The following KMO variants were observed in gnomAD, a reference collection of about 807,000 sequenced individuals.
KMO encodes kynurenine 3-monooxygenase.
A neutral mutation model predicts 57.8 loss-of-function variants in KMO; 24 were observed. That is an observed-to-expected ratio of 0.42 (90% CI 0.30 to 0.58). KMO has a LOEUF of 0.58. Ranked by LOEUF, KMO falls within the 20% of genes least tolerant of loss-of-function variation. The pLI, the probability that KMO is intolerant of heterozygous loss-of-function variation, is 0.22. For missense variants in KMO, 483 were observed against 588.2 expected (o/e 0.82, Z 1.85); for synonymous variants, 210 against 193.6 (o/e 1.08, Z -0.70).
chr1:241,591,743 T>G (rs1481950972), intron 14 of KMO, among the ~76,000 whole-genome samples: 1 of 152,132 alleles, frequency 6.6e-6, no homozygotes, highest in African/African-American at 2.4e-5. Context: ...GATTCATGAG[T>G]TTCCTGGGAG....
chr1:241,552,225 G>A (rs1661434421), intron 4 of KMO, among the ~76,000 whole-genome samples: 1 of 152,044 alleles, frequency 6.6e-6, no homozygotes, highest in Non-Finnish European at 1.5e-5. Flanking sequence ...TTCCCCAAGA[G>A]AGTGAAAGCG....
chr1:241,551,107 T>C (rs991453702), intron 4 of KMO, 63 bp downstream of exon 4: 14 of 890,386 alleles, frequency 1.6e-5, no homozygotes, highest in Middle Eastern at 2.1e-4. Context: ...GGAACTTGCC[T>C]CTTGTTTGAT....
intron 10 of KMO, among the ~76,000 whole-genome samples, chr1:241,570,621 T>C (rs760484919): frequency 2.0e-5 from 3 of 152,118 alleles, no homozygotes; most frequent in African/African-American, 7.2e-5. Flanking sequence ...CTGGGTTCTC[T>C]ATTCTGTTCC....
intron 8 of KMO, among the ~76,000 whole-genome samples, chr1:241,565,816 G>C (rs938860849): frequency 9.2e-5 from 14 of 151,960 alleles, no homozygotes; most frequent in African/African-American, 3.4e-4. Context: ...GGTCTTTTTT[G>C]TTTCTGTTGG....
intron 8 of KMO, among the ~76,000 whole-genome samples, chr1:241,566,131 G>C (rs747164666): frequency 6.6e-6 from 1 of 152,164 alleles, no homozygotes; most frequent in East Asian, 1.9e-4. Flanking sequence ...GCTTGAACCT[G>C]GGAGGCAGAG....
At chr1:241,561,474 G>C (rs537882166) in intron 6 of KMO, among the ~76,000 whole-genome samples, 148 of 151,990 alleles carry the variant, frequency 9.7e-4, no homozygotes, top group Non-Finnish European at 2.1e-4. Context: ...CTTTCTACTG[G>C]CTTCAGAGTC....
At chr1:241,568,772 C>A (rs757346771) in intron 10 of KMO, 125 bp downstream of exon 10, 1 of 890,036 alleles carries the variant, frequency 1.1e-6, no homozygotes, top group Non-Finnish European at 1.7e-6. Flanking sequence ...ATCAATTCAG[C>A]AATCATACCA....
intron 10 of KMO, among the ~76,000 whole-genome samples, chr1:241,578,201 G>A (rs1021388663): frequency 2.0e-5 from 3 of 152,138 alleles, no homozygotes; most frequent in Non-Finnish European, 4.4e-5. Flanking sequence ...AGTGGTGGAT[G>A]AGGAGGAAAA....
intron 10 of KMO, among the ~76,000 whole-genome samples, chr1:241,571,402 T>A (rs1478816308): frequency 6.6e-6 from 1 of 152,182 alleles, no homozygotes; most frequent in African/African-American, 2.4e-5. Flanking sequence ...CCTCATTTTG[T>A]ATGATACTAG....
intron 12 of KMO, 33 bp downstream of exon 12, chr1:241,588,863 A>G: frequency 1.4e-6 from 2 of 1,432,980 alleles, no homozygotes; most frequent in East Asian, 2.3e-5. Flanking sequence ...ATTCCATGAG[A>G]TGGTTCACTG....
At chr1:241,542,080 C>CAGG (rs1468477632) in intron 1 of KMO, among the ~76,000 whole-genome samples, 1 of 152,116 alleles carries the variant, frequency 6.6e-6, no homozygotes, top group African/African-American at 2.4e-5. Flanking sequence ...CTAATAGGAT[C>CAGG]ACAGTTTTTC....
intron 1 of KMO, among the ~76,000 whole-genome samples, chr1:241,540,180 T>C (rs12030573): frequency 0.73 from 110,199 of 151,984 alleles, 40,882 homozygotes; most frequent in East Asian, 0.97. Flanking sequence ...TGAGGAATTA[T>C]TTTTTTCTTC....
intron 7 of KMO, 139 bp from the exon 8 acceptor site, chr1:241,564,848 T>C: frequency 1.7e-6 from 1 of 578,622 alleles, no homozygotes; most frequent in Non-Finnish European, 3.0e-6. Context: ...CAACTTCTAT[T>C]TTATGTAGCA....
intron 10 of KMO, among the ~76,000 whole-genome samples, chr1:241,571,186 T>C (rs1662265280): frequency 4.4e-5 from 1 of 22,940 alleles, no homozygotes; most frequent in Admixed American, 1.9e-4. Flanking sequence ...TGGTGGAGTC[T>C]TTAGGTTTTT....
rs921716322 is a variant in KMO at position 241,555,584 on chromosome 1, A to G, written c.313-28A>G. 6 of 1,329,208 alleles carry G rather than the reference A, an allele frequency of 4.5e-6. No individual in the cohort carries two copies. In the African/African-American group the frequency reaches 7.2e-5, roughly 16 times the overall value. The allele number at this position is 1,329,208 out of a possible 1,614,324, so 82.3% of individuals were successfully genotyped here. A position where few individuals can be genotyped will look rare whatever the true frequency, so the allele number is the denominator to read the frequency against. The stretch of plus-strand genomic sequence containing the variant: ...TATATTTGTCCATTCACCAGAAACA[A>G]ACAGTATCTACTCTACTTTTCTTGC... On this transcript the variant is annotated intron_variant, in intron 4 of 14. Transcript: ENST00000366559.
chr1:241,577,062 A>G (rs1021063065), intron 10 of KMO, among the ~76,000 whole-genome samples: 1 of 152,036 alleles, frequency 6.6e-6, no homozygotes, highest in Non-Finnish European at 1.5e-5. Flanking sequence ...AATTCCTTAA[A>G]TGTGTCTTCC....
rs773671028 is a variant in KMO, at chr1:241,568,651, A to G, written c.957+4A>G. On this transcript the variant is annotated splice_donor_region_variant and intron_variant, in intron 10 of 14. Transcript: ENST00000366559. ...TTTTGGGCAAGGAATGAATGCGGTA[A>G]GTTCTTTTTCCCTAGGTAAGTCCCT... The G allele has an allele frequency of 3.1e-6, 5 of 1,613,080 alleles. No individual in the cohort carries two copies. The South Asian group carries it at 5.5e-5, about 18-fold the overall frequency.
Position 241,567,425 on chromosome 1 carries a change from C to T in KMO, c.809+813C>T, listed in dbSNP as rs377193399. ...CTCTGGGGTCCCTTTTATAAAAGCA[C>T]TAATCCCACTAATGGGGGGTCCACT... On this transcript the variant is annotated intron_variant, in intron 9 of 14. Transcript: ENST00000366559. Among the ~76,000 whole-genome samples, 6 of 152,252 alleles carry T rather than the reference C, an allele frequency of 3.9e-5. No homozygotes were observed. In the East Asian group the frequency reaches 1.2e-3, roughly 29 times the overall value.
chr1:241,567,377 A>C (rs1049511195), intron 9 of KMO, among the ~76,000 whole-genome samples: 5 of 152,212 alleles, frequency 3.3e-5, no homozygotes, highest in Admixed American at 3.3e-4. Context: ...GTGTCTTCAC[A>C]TGCTGGAAGG....
Sources: allele counts gnomAD v4.1 joint callset (sites outside exome capture counted in the v4.1 genomes callset), GRCh38; gene constraint gnomAD v4.1.1; transcripts MANE v1.5; gene names NCBI Gene and HGNC (gene_info 2026-07-23, HGNC 2026-07-21).